Variants in MBNL2 observed in about 807,000 individuals in gnomAD.
MBNL2 encodes the protein muscleblind like splicing regulator 2.
Under a neutral mutation model 41.9 loss-of-function variants are expected in MBNL2, and 17 were observed. The ratio of observed to expected loss-of-function variants is 0.41; its 90% CI spans 0.28 to 0.61. The LOEUF is 0.61. MBNL2 is among the 20% of genes least tolerant of loss of function. The pLI is 0.35. For synonymous variants in MBNL2, 195 were observed against 182.9 expected (o/e 1.07, Z -0.53); for missense variants, 336 against 505.6 (o/e 0.66, Z 3.22).
chr13:97,313,388 G>T (rs1017975427), intron 2 of MBNL2, among the ~76,000 whole-genome samples: 1 of 152,170 alleles, frequency 6.6e-6, no homozygotes, highest in Admixed American at 6.5e-5. Flanking sequence ...CTGCTGCACA[G>T]AAGGAACTTG....
chr13:97,325,459 A>G (rs1413667028), intron 2 of MBNL2, among the ~76,000 whole-genome samples: 2 of 152,226 alleles, frequency 1.3e-5, no homozygotes, highest in South Asian at 2.1e-4. Context: ...GACTGGGTGC[A>G]GTGGCTCACG....
the MBNL2 span, among the ~76,000 whole-genome samples, chr13:97,201,288 C>A: frequency 6.6e-6 from 1 of 152,260 alleles, no homozygotes; most frequent in South Asian, 2.1e-4. Context: ...CCAATTATTT[C>A]TTTTTCTTTT....
At chr13:97,253,977 C>T (rs1034212910) in intron 1 of MBNL2, among the ~76,000 whole-genome samples, 3 of 152,104 alleles carry the variant, frequency 2.0e-5, no homozygotes, top group Non-Finnish European at 2.9e-5. Context: ...GCAACCTCCG[C>T]CTCCTGGGTT....
At chr13:97,391,258 C>A (rs2066381585) in intron 8 of MBNL2, 64 bp from the exon 9 acceptor site, 2 of 765,140 alleles carry the variant, frequency 2.6e-6, no homozygotes, top group South Asian at 1.5e-5. Context: ...AAGAGTAAAA[C>A]TTAAACTCAT....
chr13:97,278,251 C>CAAAA (rs10606011), intron 2 of MBNL2, among the ~76,000 whole-genome samples: 503 of 40,538 alleles, frequency 0.012, 70 homozygotes, highest in African/African-American at 0.042. Context: ...GAGACTGTCT[C>CAAAA]AAAAAAAAAA....
chr13:97,191,230 C>A, the MBNL2 span, among the ~76,000 whole-genome samples: 2 of 151,532 alleles, frequency 1.3e-5, no homozygotes, highest in Admixed American at 6.6e-5. Context: ...AACCAGACTG[C>A]GCCCTGGGAA....
chr13:97,262,042 G>T (rs72637449), intron 1 of MBNL2, among the ~76,000 whole-genome samples: 1 of 152,042 alleles, frequency 6.6e-6, no homozygotes, highest in South Asian at 2.1e-4. Flanking sequence ...GAAGCAGGTG[G>T]TCTCCCACCC....
At chr13:97,306,319 G>A (rs745783965) in intron 2 of MBNL2, among the ~76,000 whole-genome samples, 36 of 152,188 alleles carry the variant, frequency 2.4e-4, no homozygotes, top group Non-Finnish European at 4.4e-4. Flanking sequence ...CTGTTTAATT[G>A]CCACATTCAT....
At chr13:97,362,097 G>T (rs1003542264) in intron 7 of MBNL2, among the ~76,000 whole-genome samples, 1 of 151,850 alleles carries the variant, frequency 6.6e-6, no homozygotes, top group Non-Finnish European at 1.5e-5. Flanking sequence ...CAAGTTGAGT[G>T]CCCCTTGATC....
intron 1 of MBNL2, among the ~76,000 whole-genome samples, chr13:97,273,160 G>A (rs1324795183): frequency 2.0e-5 from 3 of 152,164 alleles, no homozygotes; most frequent in African/African-American, 4.8e-5. Flanking sequence ...TTGAGGTTGA[G>A]CATCTACCTT....
chr13:97,166,840 A>AT, the MBNL2 span, among the ~76,000 whole-genome samples: 45 of 151,646 alleles, frequency 3.0e-4, no homozygotes, highest in East Asian at 3.1e-3. Flanking sequence ...AGATAGATAG[A>AT]AAGATAGATA....
At chr13:97,170,021 C>A in the MBNL2 span, among the ~76,000 whole-genome samples, 2 of 152,138 alleles carry the variant, frequency 1.3e-5, no homozygotes, top group Non-Finnish European at 2.9e-5. Flanking sequence ...TCCAAACAAC[C>A]ATCACCTTAC....
Position 97,334,140 on chromosome 13 carries a change from GCGCA to G in MBNL2, c.175-134_175-131del. ...CCCCAACAAACACATGAGCATGCGCGCGCACACCCACACACACACACACACACAC... is the reference window on the plus strand; with the variant it reads ...CCCCAACAAACACATGAGCATGCGCGCACCCACACACACACACACACACAC... On this transcript the variant is annotated intron_variant, in intron 2 of 8. Transcript: ENST00000679496. This position sits in a 1 kb window ranked among gnomAD's most constrained non-coding sequence, Gnocchi z 5.3. 2.5e-6 allele frequency: 1 copy of G among 396,578 alleles called. No homozygotes were observed. The highest frequency in any genetic ancestry group is 4.4e-6 in the Non-Finnish European group (1 of 226,366). 24.6% of individuals were successfully genotyped at this position (396,578 alleles called of 1,614,324 possible). A position where few individuals can be genotyped will look rare whatever the true frequency, so the allele number is the denominator to read the frequency against.
chr13:97,148,419 A>G, the MBNL2 span, among the ~76,000 whole-genome samples: 2 of 152,186 alleles, frequency 1.3e-5, no homozygotes, highest in African/African-American at 2.4e-5. Flanking sequence ...CCCACAGAAT[A>G]TACAACACCA....
At chr13:97,224,628 CAAA>C (rs538498133) in intron 1 of MBNL2, among the ~76,000 whole-genome samples, 4,284 of 107,424 alleles carry the variant, frequency 0.04, 168 homozygotes, top group African/African-American at 0.13. Context: ...GACCTTTTAC[CAAA>C]AAAAAAAAAA....
intron 1 of MBNL2, among the ~76,000 whole-genome samples, chr13:97,251,912 G>A (rs1429069990): frequency 1.5e-4 from 20 of 133,098 alleles, no homozygotes; most frequent in African/African-American, 5.6e-4. Context: ...CTGCAGTGGC[G>A]CAATCTCGGC....
the MBNL2 span, among the ~76,000 whole-genome samples, chr13:97,149,095 G>A: frequency 2.6e-5 from 4 of 152,198 alleles, no homozygotes; most frequent in Non-Finnish European, 4.4e-5. Context: ...TGTTTATCTT[G>A]GAGATGCAGG....
chr13:97,228,863 T>C (rs1246354439), intron 1 of MBNL2, among the ~76,000 whole-genome samples: 2 of 152,050 alleles, frequency 1.3e-5, no homozygotes, highest in Admixed American at 1.3e-4. Flanking sequence ...TTTTGCCCTC[T>C]GTTTTACAGA....
chr13:97,235,955 C>T (rs561343336), intron 1 of MBNL2, among the ~76,000 whole-genome samples: 56 of 152,016 alleles, frequency 3.7e-4, no homozygotes, highest in African/African-American at 1.3e-3. Flanking sequence ...AAATAATAAC[C>T]GTCAGCCTAT....
Sources: allele counts gnomAD v4.1 joint callset (sites outside exome capture counted in the v4.1 genomes callset), GRCh38; gene constraint gnomAD v4.1.1; non-coding constraint Gnocchi (gnomAD v3.1); transcripts MANE v1.5; gene names NCBI Gene and HGNC (gene_info 2026-07-23, HGNC 2026-07-21).